HECA: variants seen among roughly 807,000 people sequenced by gnomAD.
The protein encoded by HECA is HECA ribonucleoprotein granule regulator, also known as headcase protein homolog.
A neutral mutation model predicts 37.6 loss-of-function variants in HECA; 13 were observed. The ratio of observed to expected loss-of-function variants is 0.35; its 90% CI spans 0.23 to 0.55. The LOEUF (loss-of-function observed/expected upper bound fraction) is 0.55. HECA is among the 20% of genes least tolerant of loss of function. HECA has a pLI of 0.90. For synonymous variants in HECA, 307 were observed against 291.5 expected (o/e 1.05, Z -0.54); for missense variants, 527 against 701.9 (o/e 0.75, Z 2.82).
At chr6:139,143,143 G>A (rs1433692075) in intron 1 of HECA, among the ~76,000 whole-genome samples, 2 of 152,160 alleles carry the variant, frequency 1.3e-5, no homozygotes, top group African/African-American at 4.8e-5. Context: ...TATAACTTAC[G>A]CTATAGCAGA....
intron 1 of HECA, among the ~76,000 whole-genome samples, chr6:139,138,856 T>C (rs1276151518): frequency 6.6e-6 from 1 of 152,220 alleles, no homozygotes; most frequent in Admixed American, 6.5e-5. Flanking sequence ...CCCATCTTTT[T>C]CCTACATAGT....
chr6:139,135,522 G>T lies in HECA; in HGVS notation c.126G>T (p.Gly42=), dbSNP rs1343708641. ...AAGAAGAAAG[G]ALAAAAGCGA... ...GCGCGGCGGGAGCGGCGGCCGGGGG[G>T]GCCCTGGCGGCGGCGGCCGGTTGCG... The change falls in exon 1 of 4, where the codon GGG becomes GGT. Residue 42 remains glycine (G), a synonymous_variant. Transcript: ENST00000367658. The T allele has an allele frequency of 1.8e-5, 18 of 1,000,354 alleles. No homozygotes were observed. The South Asian group carries it at 5.4e-4, about 30-fold the overall frequency. 62.0% of individuals were successfully genotyped at this position (1,000,354 alleles called of 1,614,324 possible).
chr6:139,139,963 A>C (rs1774494294), intron 1 of HECA, among the ~76,000 whole-genome samples: 1 of 152,238 alleles, frequency 6.6e-6, no homozygotes, highest in South Asian at 2.1e-4. Context: ...GGCTTTGTGG[A>C]GGAGACTGGG....
rs1455039301 is a variant in HECA, at chr6:139,176,938, C to A, written c.1468-3C>A. The A allele has an allele frequency of 1.2e-6, 1 of 869,174 alleles. No homozygotes were observed. The highest frequency in any genetic ancestry group is 1.6e-5 in the African/African-American group (1 of 61,196). The allele number at this position is 869,174 out of a possible 1,614,324, so 53.8% of individuals were successfully genotyped here. ...TGTGGCTGATGGTGTCTGTTTCCCC[C>A]AGGCCCGCCTGAACTGTAAGCACTG... On this transcript the variant is annotated splice_region_variant and splice_polypyrimidine_tract_variant and intron_variant, in intron 3 of 3. Transcript: ENST00000367658. The surrounding 1 kb of genome is among the most constrained non-coding windows in gnomAD (Gnocchi z 4.5).
chr6:139,153,062 A>G (rs1774671303), intron 1 of HECA: 1 of 152,206 alleles, frequency 6.6e-6, no homozygotes, highest in South Asian at 2.1e-4. Context: ...GATCAGATGG[A>G]AAAGCAAGGC....
intron 1 of HECA, among the ~76,000 whole-genome samples, chr6:139,138,755 TATC>T (rs1774480161): frequency 6.6e-6 from 1 of 152,206 alleles, no homozygotes; most frequent in South Asian, 2.1e-4. Context: ...ATTCTTAGGA[TATC>T]ATACCGCTAA....
At chr6:139,165,160 A>AT (rs1562247764) in intron 1 of HECA, among the ~76,000 whole-genome samples, 1 of 152,248 alleles carries the variant, frequency 6.6e-6, no homozygotes, top group Non-Finnish European at 1.5e-5. Flanking sequence ...GAAATGGAAG[A>AT]TTAAACAGAT....
intron 1 of HECA, among the ~76,000 whole-genome samples, chr6:139,156,184 T>A (rs1774709952): frequency 1.3e-5 from 2 of 152,092 alleles, no homozygotes; most frequent in African/African-American, 4.8e-5. Flanking sequence ...TGTTACAATT[T>A]AAAATCTTTA....
chr6:139,158,457 C>T (rs1414034617), intron 1 of HECA, among the ~76,000 whole-genome samples: 1 of 147,122 alleles, frequency 6.8e-6, no homozygotes, highest in African/African-American at 2.5e-5. Flanking sequence ...GAGCAGAGAT[C>T]GTGCCACTGC....
chr6:139,162,507 G>A (rs1774820203), intron 1 of HECA, among the ~76,000 whole-genome samples: 1 of 152,232 alleles, frequency 6.6e-6, no homozygotes, highest in South Asian at 2.1e-4. Flanking sequence ...AACTCAGGCA[G>A]TCTGGTTGCA....
chr6:139,160,646 C>T (rs529466373), intron 1 of HECA, among the ~76,000 whole-genome samples: 2 of 152,256 alleles, frequency 1.3e-5, no homozygotes, highest in South Asian at 2.1e-4. Context: ...AACTCCTGGC[C>T]GCAAGTGATT....
At chr6:139,158,104 C>G (rs1462854609) in intron 1 of HECA, among the ~76,000 whole-genome samples, 2 of 152,166 alleles carry the variant, frequency 1.3e-5, no homozygotes, top group Non-Finnish European at 2.9e-5. Context: ...CACCTATGAT[C>G]CCAGCACTTT....
intron 2 of HECA, among the ~76,000 whole-genome samples, chr6:139,172,391 T>A (rs117577213): frequency 4.6e-5 from 7 of 152,180 alleles, no homozygotes; most frequent in Non-Finnish European, 1.0e-4. Flanking sequence ...CCTTTCTGGA[T>A]TACTACTCCC....
At chr6:139,170,831 A>G (rs1255076688) in intron 2 of HECA, among the ~76,000 whole-genome samples, 2 of 152,106 alleles carry the variant, frequency 1.3e-5, no homozygotes, top group Non-Finnish European at 1.5e-5. Flanking sequence ...AAGGGGTTTG[A>G]AAGGGGTGGG....
chr6:139,137,728 G>A (rs1774467627), intron 1 of HECA, among the ~76,000 whole-genome samples: 1 of 151,076 alleles, frequency 6.6e-6, no homozygotes, highest in South Asian at 2.1e-4. Context: ...GGTGGCATGA[G>A]GAAATTTTTT....
rs187936952 is a variant in HECA, at chr6:139,160,734, C to A, written c.272-5550C>A. Among the ~76,000 whole-genome samples, 3 of 152,328 alleles carry A rather than the reference C, an allele frequency of 2.0e-5. No individual in the cohort carries two copies. In the East Asian group the frequency reaches 5.8e-4, roughly 29 times the overall value. ...TGGCCATACTTACTTATTTTCTAAA[C>A]ACCTGTATGGCATGTTCAAAACATT... On this transcript the variant is annotated intron_variant, in intron 1 of 3. Transcript: ENST00000367658.
chr6:139,167,381 CAA>C, intron 2 of HECA, 57 bp downstream of exon 2: 1 of 1,340,380 alleles, frequency 7.5e-7, no homozygotes. Context: ...AAACAACAAA[CAA>C]GACAGATTGC....
At chr6:139,153,450 T>A (rs1774676236) in intron 1 of HECA, among the ~76,000 whole-genome samples, 1 of 151,862 alleles carries the variant, frequency 6.6e-6, no homozygotes, top group African/African-American at 2.4e-5. Context: ...GAGAGGGAGT[T>A]TTGCTCTCGT....
At chr6:139,150,531 A>AT (rs1210618240) in intron 1 of HECA, among the ~76,000 whole-genome samples, 2 of 151,336 alleles carry the variant, frequency 1.3e-5, no homozygotes, top group African/African-American at 4.8e-5. Flanking sequence ...TTTTTAAATA[A>AT]TTAATTTTAA....
Sources: allele counts gnomAD v4.1 joint callset (sites outside exome capture counted in the v4.1 genomes callset), GRCh38; gene constraint gnomAD v4.1.1; non-coding constraint Gnocchi (gnomAD v3.1); transcripts MANE v1.5; gene names NCBI Gene and HGNC (gene_info 2026-07-23, HGNC 2026-07-21).